The following MCF2L variants were observed in gnomAD, a reference collection of about 807,000 sequenced individuals.
MCF2L encodes the protein guanine nucleotide exchange factor DBS.
In MCF2L, 97 loss-of-function variants were observed where a neutral mutation model predicts 153.4. The observed-to-expected ratio is 0.63, with a 90% CI of 0.54 to 0.75. The LOEUF (loss-of-function observed/expected upper bound fraction) is 0.75, where lower values mean the gene tolerates loss of function less well. Ranked by LOEUF, MCF2L falls within the 30% of genes least tolerant of loss-of-function variation. MCF2L has a pLI of 0.00. For synonymous variants in MCF2L, 659 were observed against 632.2 expected (o/e 1.04, Z -0.64); for missense variants, 1,347 against 1,495.2 (o/e 0.90, Z 1.64).
At chr13:112,930,236 C>T (rs934064626) in intron 2 of MCF2L, among the ~76,000 whole-genome samples, 1 of 152,162 alleles carries the variant, frequency 6.6e-6, no homozygotes, top group African/African-American at 2.4e-5. Context: ...CATACAAAAA[C>T]CTGCACATAA....
intron 3 of MCF2L, among the ~76,000 whole-genome samples, chr13:113,036,036 G>A (rs1484532478): frequency 6.6e-6 from 1 of 152,120 alleles, no homozygotes; most frequent in Non-Finnish European, 1.5e-5. Flanking sequence ...TGCAGGTCAG[G>A]ATTTTGCATC....
chr13:112,938,206 GCGC>G (rs2081541109), intron 2 of MCF2L, among the ~76,000 whole-genome samples: 1 of 132,220 alleles, frequency 7.6e-6, no homozygotes, highest in Non-Finnish European at 1.6e-5. Flanking sequence ...GTTCAGGTGA[GCGC>G]TGAGGGGTTG....
rs2142160205 is a variant in MCF2L, at chr13:113,096,851, C to T, written c.3370C>T (p.Gln1124Ter). 8.8e-6 allele frequency: 13 copies of T among 1,472,210 alleles called. No homozygotes were observed. In the East Asian group the frequency reaches 3.5e-4, roughly 40 times the overall value. The allele number at this position is 1,472,210 out of a possible 1,614,324, so 91.2% of individuals were successfully genotyped here. ...CGGCCAGGCCCCCTTCTCCGACCTG[C>T]AGGGGTAGCGCGGCCTCGGCGCCGG... ...EGGQAPFSDL[Q>*]G The change falls in exon 30 of 30, where the codon CAG (glutamine) becomes TAG (stop). Residue 1124 changes from glutamine to a stop codon, truncating the protein, a stop_gained. Coordinates refer to ENST00000535094, the MANE Select transcript of MCF2L (RefSeq NM_001112732.3). LOFTEE classifies it high-confidence loss of function.
At chr13:113,050,243 C>A (rs1269662651) in intron 4 of MCF2L, among the ~76,000 whole-genome samples, 1 of 146,600 alleles carries the variant, frequency 6.8e-6, no homozygotes, top group African/African-American at 2.6e-5. Context: ...TGAGTGTGTG[C>A]GCGAGTGGGA....
At chr13:112,938,097 T>C (rs2081538430) in intron 2 of MCF2L, among the ~76,000 whole-genome samples, 1 of 137,396 alleles carries the variant, frequency 7.3e-6, no homozygotes, top group Non-Finnish European at 1.6e-5. Context: ...GATTGGTTGA[T>C]TGGTTCAGGT....
upstream of MCF2L, among the ~76,000 whole-genome samples, chr13:112,966,738 C>T (rs1352440944): frequency 2.0e-5 from 3 of 152,224 alleles, no homozygotes; most frequent in Admixed American, 6.5e-5. The surrounding 1 kb of genome is among the most constrained non-coding windows in gnomAD (Gnocchi z 4.1). Flanking sequence ...AGAGGGAGAT[C>T]GGAGAAGCGG....
At chr13:112,921,076 C>G (rs2081347923) in intron 2 of MCF2L, among the ~76,000 whole-genome samples, 1 of 151,780 alleles carries the variant, frequency 6.6e-6, no homozygotes, top group South Asian at 2.1e-4. Context: ...ACTCGGGAGG[C>G]TGAGTCAGGA....
chr13:113,041,855 A>C (rs956045611), intron 3 of MCF2L, among the ~76,000 whole-genome samples: 54 of 152,068 alleles, frequency 3.6e-4, no homozygotes, highest in Admixed American at 3.5e-3. Context: ...TGGGAACATT[A>C]GGAGGCCGCC....
At chr13:113,016,618 C>A (rs1054624953) in intron 2 of MCF2L, among the ~76,000 whole-genome samples, 63 of 142,902 alleles carry the variant, frequency 4.4e-4, no homozygotes, top group African/African-American at 1.5e-3. Context: ...GCTGCCCCCG[C>A]GTCATATGCT....
chr13:112,969,469 C>T lies in MCF2L; in HGVS notation c.79+11C>T. ...TTTCCAAGCACACGGGTAGGAGGAG[C>T]TGCTGGCCGTCAGTGATCTGTGCTT... On this transcript the variant is annotated intron_variant, in intron 1 of 29. Transcript: ENST00000535094. The surrounding 1 kb of genome is among the most constrained non-coding windows in gnomAD (Gnocchi z 4.8). 6.5e-7 allele frequency: 1 copy of T among 1,550,216 alleles called. No homozygotes were observed. Among genetic ancestry groups the T allele is most frequent in the Non-Finnish European group, 8.7e-7 (1 of 1,146,756 alleles).
In MCF2L at chr13:113,031,408, T is replaced by C. The variant is rs2085712379; in HGVS notation, c.278+6650T>C. 6.6e-6 allele frequency among the ~76,000 whole-genome samples: 1 copy of C among 152,072 alleles called. No individual in the cohort carries two copies. The highest frequency in any genetic ancestry group is 6.5e-5 in the Admixed American group (1 of 15,270). ...ATCCCAGGAGGGCGCCAGCGGCATC[T>C]TTGGGGGCAGCGAACGCACCAGGGG... On this transcript the variant is annotated intron_variant, in intron 3 of 29. Coordinates refer to ENST00000535094, the MANE Select transcript of MCF2L (RefSeq NM_001112732.3). The surrounding 1 kb of genome is among the most constrained non-coding windows in gnomAD (Gnocchi z 5.5).
At chr13:113,034,600 C>CACCCTCACCCT (rs2086020242) in intron 3 of MCF2L, among the ~76,000 whole-genome samples, 2 of 151,136 alleles carry the variant, frequency 1.3e-5, no homozygotes, top group South Asian at 2.1e-4. Flanking sequence ...GTCTCACCCT[C>CACCCTCACCCT]GCCCTCACCC....
At chr13:113,022,671 T>G (rs1228473451) in intron 2 of MCF2L, among the ~76,000 whole-genome samples, 2 of 152,222 alleles carry the variant, frequency 1.3e-5, no homozygotes, top group Non-Finnish European at 2.9e-5. Context: ...TTACCTTTAA[T>G]GGCGACTGAA....
intron 11 of MCF2L, among the ~76,000 whole-genome samples, chr13:113,075,704 C>T (rs187183482): frequency 2.2e-4 from 34 of 152,346 alleles, no homozygotes; most frequent in African/African-American, 7.5e-4. Flanking sequence ...CCCTGCCTCT[C>T]CAGGCCCCGC....
At chr13:113,005,212 G>A (rs535265236) in intron 1 of MCF2L, among the ~76,000 whole-genome samples, 70 of 152,318 alleles carry the variant, frequency 4.6e-4, no homozygotes, top group Non-Finnish European at 4.0e-4. Flanking sequence ...ACAGTGCTGA[G>A]CAAAATCAGC....
chr13:113,074,574 GTC>G lies in MCF2L; in HGVS notation c.1116+12_1116+13del. On this transcript the variant is annotated intron_variant, in intron 10 of 29. Transcript: ENST00000535094. This position sits in a 1 kb window ranked among gnomAD's most constrained non-coding sequence, Gnocchi z 4.2. ...GAGGAGAAATCAGGCGTAAGGCGGG[GTC>G]CCGGCGGGGGCGGCGGGAGAGTGTG... 1 of 1,611,976 alleles carries G rather than the reference GTC, an allele frequency of 6.2e-7. No homozygotes were observed.
Position 113,031,205 on chromosome 13 carries a change from CAG to C in MCF2L, c.278+6451_278+6452del, listed in dbSNP as rs897245937. Among the ~76,000 whole-genome samples the C allele has an allele frequency of 1.4e-5, 2 of 140,688 alleles. No homozygotes were observed. Among genetic ancestry groups the C allele is most frequent in the Non-Finnish European group, 3.2e-5 (2 of 63,024 alleles). The allele number at this position is 140,688 out of a possible 152,430, so 92.3% of individuals were successfully genotyped here. A position where few individuals can be genotyped will look rare whatever the true frequency, so the allele number is the denominator to read the frequency against. ...ACAGAGACAGAGAGACAGAGACAGA[CAG>C]AGACAGAGACAGAGAGAGACAGAGA... On this transcript the variant is annotated intron_variant, in intron 3 of 29. Transcript: ENST00000535094. This position sits in a 1 kb window ranked among gnomAD's most constrained non-coding sequence, Gnocchi z 5.5.
intron 1 of MCF2L, chr13:112,979,662 G>A (rs373244003): frequency 4.8e-5 from 78 of 1,612,764 alleles, no homozygotes; most frequent in South Asian, 8.8e-5. Context: ...GTGACAGGGC[G>A]GTTCGATGGC....
At chr13:112,902,359 G>A (rs1384339126) in exon 2 of MCF2L, 1 of 1,612,460 alleles carries the variant, frequency 6.2e-7, no homozygotes, top group Non-Finnish European at 8.5e-7. Flanking sequence ...GGAGGCGACG[G>A]CCATGGCCAC....
Sources: allele counts gnomAD v4.1 joint callset (sites outside exome capture counted in the v4.1 genomes callset), GRCh38; gene constraint gnomAD v4.1.1; non-coding constraint Gnocchi (gnomAD v3.1); transcripts MANE v1.5; gene names NCBI Gene and HGNC (gene_info 2026-07-23, HGNC 2026-07-21).